Variants in NPC1 observed in about 807,000 individuals in gnomAD.
NPC1 encodes NPC intracellular cholesterol transporter 1.
In NPC1, 85 loss-of-function variants were observed where a neutral mutation model predicts 140.4. The observed-to-expected ratio is 0.61, with a 90% CI of 0.51 to 0.72. The LOEUF (loss-of-function observed/expected upper bound fraction) is 0.72. Among genes scored for constraint, NPC1 ranks in the 30% least tolerant of loss-of-function variants. The pLI is 0.00. For missense variants in NPC1, 1,504 were observed against 1,623.8 expected (o/e 0.93, Z 1.27); for synonymous variants, 656 against 624.8 (o/e 1.05, Z -0.74).
At chr18:23,526,781 C>T, downstream of NPC1, 1 of 1,612,240 alleles carries the variant, frequency 6.2e-7, no homozygotes, top group African/African-American at 1.3e-5. Context: ...TTGAATCCTT[C>T]CCCCTTGCTC....
At chr18:23,526,276 G>A (rs542832429), downstream of NPC1, among the ~76,000 whole-genome samples, 18 of 152,334 alleles carry the variant, frequency 1.2e-4, no homozygotes, top group South Asian at 1.0e-3. Context: ...TTGATGCCAC[G>A]TGTTGACATC....
intron 11 of NPC1, 124 bp downstream of exon 11, chr18:23,547,882 G>A: frequency 1.3e-6 from 1 of 781,198 alleles, no homozygotes; most frequent in East Asian, 2.4e-5. Flanking sequence ...AGTACCAAGT[G>A]AACAAAACTA....
chr18:23,573,531 G>A lies in NPC1; in HGVS notation c.101C>T (p.Ala34Val), dbSNP rs1567981337. 6.2e-7 allele frequency: 1 copy of A among 1,614,058 alleles called. No homozygotes were observed. Among genetic ancestry groups the A allele is most frequent in the Non-Finnish European group, 8.5e-7 (1 of 1,180,002 alleles). Residue 34 changes from alanine to valine, a missense_variant, in exon 2 of 25, where the codon GCA (alanine) becomes GTA (valine). Coordinates refer to ENST00000269228, the MANE Select transcript of NPC1 (RefSeq NM_000271.5). ...SCVWYGECGI[A>V]YGDKRYNCEY... is the part of the protein sequence containing the mutation. ...GCAATTGTACCTCTTGTCCCCATAT[G>A]CAATTCCACACTCTCCATACCAAAC...
At chr18:23,530,671 C>T, downstream of NPC1, 4 of 1,523,680 alleles carry the variant, frequency 2.6e-6, no homozygotes, top group African/African-American at 1.4e-5. Context: ...GCAGAGGGCA[C>T]TGGCAGCTGG....
Position 23,541,385 on chromosome 18 carries a change from C to A in NPC1, c.2294G>T (p.Gly765Val). The change falls in exon 15 of 25, where the codon GGA becomes GTA. Residue 765 changes from glycine to valine, a missense_variant. Gly to Val is a moderately radical substitution (Grantham distance 109). Transcript: ENST00000269228. ...AAGAAAGTCAATGAAGACTGCCAATCCCGCAAAGAGAGAGAAGGTGTGCAC... is the reference window on the plus strand; with the variant it reads ...AAGAAAGTCAATGAAGACTGCCAATACCGCAAAGAGAGAGAAGGTGTGCAC... ...PAVHTFSLFA[G>V]LAVFIDFLLQ... 5 of 1,614,230 alleles carry A rather than the reference C, an allele frequency of 3.1e-6. No homozygotes were observed. Among genetic ancestry groups the A allele is most frequent in the Non-Finnish European group, 4.2e-6 (5 of 1,180,050 alleles).
intron 1 of NPC1, among the ~76,000 whole-genome samples, chr18:23,575,702 T>C (rs1282590029): frequency 7.0e-6 from 1 of 143,368 alleles, no homozygotes; most frequent in African/African-American, 2.6e-5. Context: ...CCAGGAAATT[T>C]GGGCTTGAAT....
intron 3 of NPC1, among the ~76,000 whole-genome samples, chr18:23,507,493 ATC>A (rs754914127): frequency 7.2e-5 from 11 of 152,182 alleles, no homozygotes; most frequent in Non-Finnish European, 1.3e-4. Context: ...TAGCCTTTTC[ATC>A]TCTCATTTCT....
intron 6 of NPC1, among the ~76,000 whole-genome samples, chr18:23,559,797 A>G (rs1258623911): frequency 6.6e-6 from 1 of 152,124 alleles, no homozygotes; most frequent in Admixed American, 6.5e-5. Flanking sequence ...TAAAAATACA[A>G]AAATTAGTCA....
At chr18:23,516,826 A>G (rs529377011) in intron 3 of NPC1, among the ~76,000 whole-genome samples, 21 of 151,682 alleles carry the variant, frequency 1.4e-4, no homozygotes, top group Non-Finnish European at 2.1e-4. Context: ...CCCAGGCTCA[A>G]ACGATTCTTC....
At chr18:23,571,639 G>A (rs969659046) in intron 3 of NPC1, among the ~76,000 whole-genome samples, 3 of 138,852 alleles carry the variant, frequency 2.2e-5, no homozygotes, top group South Asian at 4.9e-4. Flanking sequence ...CGGTGACAGA[G>A]CAAGAGTCTG....
chr18:23,529,358 A>C, downstream of NPC1: 1 of 1,559,270 alleles, frequency 6.4e-7, no homozygotes, highest in South Asian at 1.2e-5. Flanking sequence ...GAAGTTGCTG[A>C]AAACGAGGAG....
At chr18:23,511,269 T>C (rs1057410868) in intron 3 of NPC1, among the ~76,000 whole-genome samples, 14 of 151,486 alleles carry the variant, frequency 9.2e-5, no homozygotes, top group Non-Finnish European at 1.6e-4. Flanking sequence ...AAGTGGGAGC[T>C]AAATGTAAGT....
chr18:23,546,910 T>C (rs2058797643), intron 11 of NPC1, among the ~76,000 whole-genome samples: 1 of 152,188 alleles, frequency 6.6e-6, no homozygotes, highest in African/African-American at 2.4e-5. Context: ...GTTCCTAAAA[T>C]TGACTGTGGT....
intron 18 of NPC1, 102 bp from the exon 19 acceptor site, chr18:23,539,572 T>G: frequency 1.1e-6 from 1 of 873,776 alleles, no homozygotes; most frequent in African/African-American, 1.7e-5. Context: ...CGTTTTATAC[T>G]GCTAACAGTC....
downstream of NPC1, chr18:23,526,804 G>C (rs762951594): frequency 1.2e-6 from 2 of 1,608,278 alleles, no homozygotes; most frequent in South Asian, 2.2e-5. Context: ...ATTCCAGTGT[G>C]AGGCCTGTGC....
intron 6 of NPC1, 37 bp from the exon 7 acceptor site, chr18:23,557,227 T>C (rs1246737091): frequency 6.7e-7 from 1 of 1,498,918 alleles, no homozygotes; most frequent in East Asian, 2.3e-5. Flanking sequence ...ATTAGTGGAC[T>C]TCATCACAGT....
chr18:23,570,308 G>C (rs2059182904), intron 3 of NPC1, among the ~76,000 whole-genome samples: 1 of 152,142 alleles, frequency 6.6e-6, no homozygotes, highest in African/African-American at 2.4e-5. Flanking sequence ...TGATAATATG[G>C]AGAAAGGTTG....
chr18:23,558,886 C>A (rs2058994065), intron 6 of NPC1, among the ~76,000 whole-genome samples: 1 of 152,102 alleles, frequency 6.6e-6, no homozygotes, highest in Admixed American at 6.5e-5. Flanking sequence ...CCCCACCCCA[C>A]AACAGTCCCC....
Position 23,545,030 on chromosome 18 carries a change from A to G in NPC1, c.1877T>C (p.Ile626Thr). The part of the protein sequence containing the change: ...ESDSDVFTVV[I>T]SYAIMFLYIS... ...ATATAGAAACATGATGGCATAGCTA[A>G]TTACAACGGTGAAGACATCACTGTC... Residue 626 changes from isoleucine (I) to threonine (T), a missense_variant, in exon 12 of 25, where the codon ATT becomes ACT. Physicochemically the swap from Ile to Thr is moderately conservative, Grantham distance 89. Transcript: ENST00000269228. The G allele has an allele frequency of 6.3e-7, 1 of 1,593,216 alleles. No homozygotes were observed. The highest frequency in any genetic ancestry group is 8.6e-7 in the Non-Finnish European group (1 of 1,167,900).
Sources: allele counts gnomAD v4.1 joint callset (sites outside exome capture counted in the v4.1 genomes callset), GRCh38; gene constraint gnomAD v4.1.1; transcripts MANE v1.5; gene names NCBI Gene and HGNC (gene_info 2026-07-23, HGNC 2026-07-21).